The following IGSF21 variants were observed in gnomAD, a reference collection of about 807,000 sequenced individuals.
IGSF21 encodes the protein immunoglobin superfamily member 21.
Under a neutral mutation model 46.8 loss-of-function variants are expected in IGSF21, and 28 were observed. That is an observed-to-expected ratio of 0.60 (90% CI 0.44 to 0.82). IGSF21 has a LOEUF of 0.82. Ranked by LOEUF, IGSF21 falls within the 40% of genes least tolerant of loss-of-function variation. The pLI is 0.00. For missense variants in IGSF21, 624 were observed against 665.5 expected (o/e 0.94, Z 0.69); for synonymous variants, 284 against 273.6 (o/e 1.04, Z -0.38).
chr1:18,155,837 T>C (rs1454785443), intron 1 of IGSF21, among the ~76,000 whole-genome samples: 1 of 152,168 alleles, frequency 6.6e-6, no homozygotes, highest in Non-Finnish European at 1.5e-5. Context: ...TGACCTGGGG[T>C]GCGCCATGCT....
At chr1:18,152,558 A>G (rs2086529947) in intron 1 of IGSF21, among the ~76,000 whole-genome samples, 1 of 152,174 alleles carries the variant, frequency 6.6e-6, no homozygotes, top group Non-Finnish European at 1.5e-5. Context: ...TAGCTCGCTC[A>G]TCTGCAAAGT....
At chr1:18,220,107 G>T (rs754737033) in intron 1 of IGSF21, among the ~76,000 whole-genome samples, 8 of 152,318 alleles carry the variant, frequency 5.3e-5, no homozygotes, top group African/African-American at 1.4e-4. Context: ...CGAGGGCCTT[G>T]TTGTTATGGT....
At chr1:18,244,530 T>C (rs954077047) in intron 2 of IGSF21, among the ~76,000 whole-genome samples, 3 of 152,230 alleles carry the variant, frequency 2.0e-5, no homozygotes, top group Non-Finnish European at 2.9e-5. Context: ...AATGGATCCC[T>C]TGCACAAGTC....
intron 2 of IGSF21, among the ~76,000 whole-genome samples, chr1:18,267,315 G>A (rs1483112877): frequency 6.6e-6 from 1 of 152,206 alleles, no homozygotes; most frequent in South Asian, 2.1e-4. Context: ...AGTTAAGGAA[G>A]CAGAAGCAGC....
At chr1:18,217,058 GC>G (rs1209836053) in intron 1 of IGSF21, among the ~76,000 whole-genome samples, 1 of 152,070 alleles carries the variant, frequency 6.6e-6, no homozygotes, top group East Asian at 1.9e-4. Flanking sequence ...AATTTATGTG[GC>G]CCTGACTGTC....
intron 1 of IGSF21, among the ~76,000 whole-genome samples, chr1:18,188,978 T>C (rs527671458): frequency 2.0e-5 from 3 of 152,232 alleles, no homozygotes; most frequent in Non-Finnish European, 2.9e-5. Context: ...TGAGGATCCT[T>C]GTGAGAGTCA....
intron 5 of IGSF21, among the ~76,000 whole-genome samples, chr1:18,363,083 A>C (rs1284761854): frequency 6.6e-6 from 1 of 152,246 alleles, no homozygotes; most frequent in Admixed American, 6.5e-5. Flanking sequence ...AGAGAGGCCA[A>C]GTCACTCTCA....
At position 18,282,635 on chromosome 1, in the gene IGSF21, TACACACACACAC is replaced by T. The variant is rs10522294; in HGVS notation, c.184-9205_184-9194del. Among the ~76,000 whole-genome samples the T allele has an allele frequency of 8.0e-5, 11 of 137,644 alleles. No homozygotes were observed. The South Asian group carries it at 1.2e-3, about 15-fold the overall frequency. The allele number at this position is 137,644 out of a possible 152,430, so 90.3% of individuals were successfully genotyped here. A position where few individuals can be genotyped will look rare whatever the true frequency, so the allele number is the denominator to read the frequency against. On this transcript the variant is annotated intron_variant, in intron 2 of 9. Coordinates refer to ENST00000251296, the MANE Select transcript of IGSF21 (RefSeq NM_032880.5). ...TTTGCCAAAAACTCATCCCCTTACA[TACACACACACAC>T]ACACACACACACACACACACACACA...
At chr1:18,190,588 C>T (rs908127788) in intron 1 of IGSF21, among the ~76,000 whole-genome samples, 13 of 152,320 alleles carry the variant, frequency 8.5e-5, no homozygotes, top group African/African-American at 3.1e-4. Flanking sequence ...TCTTATGGGT[C>T]ATTGTAAACT....
intron 1 of IGSF21, among the ~76,000 whole-genome samples, chr1:18,148,189 G>A (rs1336231732): frequency 7.1e-6 from 1 of 141,356 alleles, no homozygotes; most frequent in Admixed American, 7.4e-5. Flanking sequence ...GGAGTGCAGT[G>A]GCGCGATCTC....
chr1:18,253,117 A>G (rs1466061949), intron 2 of IGSF21, among the ~76,000 whole-genome samples: 1 of 152,094 alleles, frequency 6.6e-6, no homozygotes, highest in African/African-American at 2.4e-5. Flanking sequence ...ACTCTACCAT[A>G]ATAAATGAAT....
At chr1:18,113,704 G>A (rs1294495642) in intron 1 of IGSF21, 1 of 142,862 alleles carries the variant, frequency 7.0e-6, no homozygotes, top group East Asian at 2.2e-4. Context: ...TGAATATTGA[G>A]CGGAGTGTCA....
At chr1:18,328,493 G>A (rs1420287425) in intron 3 of IGSF21, among the ~76,000 whole-genome samples, 2 of 152,136 alleles carry the variant, frequency 1.3e-5, no homozygotes, top group African/African-American at 2.4e-5. Flanking sequence ...ATTGTGAGTC[G>A]GGGACCTTCT....
intron 1 of IGSF21, among the ~76,000 whole-genome samples, chr1:18,138,802 G>A (rs1192566505): frequency 6.6e-6 from 1 of 152,198 alleles, no homozygotes. Context: ...CTTACTATGA[G>A]CCAGGATGCC....
intron 6 of IGSF21, among the ~76,000 whole-genome samples, chr1:18,373,875 C>T (rs1215302011): frequency 1.3e-5 from 2 of 152,206 alleles, no homozygotes; most frequent in Non-Finnish European, 2.9e-5. Flanking sequence ...TCCTAAAATG[C>T]CTAAAATGGA....
At chr1:18,108,333 T>C (rs935570138) in intron 1 of IGSF21, 135 bp downstream of exon 1, 11 of 978,590 alleles carry the variant, frequency 1.1e-5, no homozygotes, top group Non-Finnish European at 1.3e-5. Context: ...TCTGTGGAGC[T>C]GGTTGGCTCG....
At chr1:18,144,956 G>A (rs192576873) in intron 1 of IGSF21, among the ~76,000 whole-genome samples, 33 of 152,242 alleles carry the variant, frequency 2.2e-4, no homozygotes, top group African/African-American at 7.2e-4. Context: ...TGAGTCCCGG[G>A]TGCCTCAAAA....
intron 1 of IGSF21, among the ~76,000 whole-genome samples, chr1:18,194,485 T>G (rs2086988430): frequency 1.3e-5 from 2 of 152,190 alleles, no homozygotes; most frequent in Non-Finnish European, 2.9e-5. Flanking sequence ...GGATCCTTTC[T>G]GCCTCTTCCA....
At chr1:18,299,661 T>C (rs1379066113) in intron 3 of IGSF21, among the ~76,000 whole-genome samples, 6 of 152,126 alleles carry the variant, frequency 3.9e-5, no homozygotes, top group Non-Finnish European at 8.8e-5. Flanking sequence ...AAACTAACTC[T>C]CCAAGAATAC....
Sources: gnomAD v4.1 joint callset for allele counts (sites outside exome capture counted in the v4.1 genomes callset) on GRCh38, gnomAD v4.1.1 for gene constraint, MANE v1.5 for transcripts, NCBI Gene and HGNC (gene_info 2026-07-23, HGNC 2026-07-21) for gene names.